Variants in DHDDS observed in about 807,000 individuals in gnomAD.
DHDDS encodes dehydrodolichyl diphosphate synthase complex subunit DHDDS.
DHDDS carries 16 observed loss-of-function variants against 46.2 expected under a neutral mutation model. That is an observed-to-expected ratio of 0.35 (90% CI 0.23 to 0.53). The LOEUF (loss-of-function observed/expected upper bound fraction) is 0.53, where lower values mean the gene tolerates loss of function less well. Ranked by LOEUF, DHDDS falls within the 20% of genes least tolerant of loss-of-function variation. The pLI is 0.94. For synonymous variants in DHDDS, 151 were observed against 163.1 expected, an observed-to-expected ratio of 0.93 and a Z score of 0.56; for missense variants, 340 against 423.7, an observed-to-expected ratio of 0.80 and a Z score of 1.73.
chr1:26,462,220 T>C (rs2075430900), intron 8 of DHDDS, among the ~76,000 whole-genome samples: 1 of 151,640 alleles, frequency 6.6e-6, no homozygotes, highest in Admixed American at 6.6e-5. Flanking sequence ...AAGTCCTCAC[T>C]ATGTTGCCCA....
At chr1:26,464,790 GCTGCTCTGTCTCTAGGCC>G (rs1177179499) in intron 8 of DHDDS, among the ~76,000 whole-genome samples, 1 of 152,182 alleles carries the variant, frequency 6.6e-6, no homozygotes, top group East Asian at 1.9e-4. Flanking sequence ...TAAAATCTGA[GCTGCTCTGTCTCTAGGCC>G]CTGCCCAATG....
intron 3 of DHDDS, among the ~76,000 whole-genome samples, chr1:26,442,007 C>T (rs999211815): frequency 9.2e-5 from 14 of 151,762 alleles, no homozygotes; most frequent in Admixed American, 2.6e-4. Context: ...CTCTAGGCAA[C>T]TACCGTTCTG....
At chr1:26,459,957 G>T (rs989133721) in intron 7 of DHDDS, 80 bp from the exon 8 acceptor site, 1 of 1,188,124 alleles carries the variant, frequency 8.4e-7, no homozygotes, top group East Asian at 2.3e-5. Flanking sequence ...TGCTTAGCCT[G>T]CTTTTTCCCT....
chr1:26,454,868 A>T, intron 6 of DHDDS: 2 of 1,591,112 alleles, frequency 1.3e-6, no homozygotes, highest in South Asian at 2.2e-5. Context: ...ATCTACATTT[A>T]AACCCTTAAG....
chr1:26,442,629 T>A, intron 3 of DHDDS, 102 bp from the exon 4 acceptor site: 1 of 1,399,196 alleles, frequency 7.1e-7, no homozygotes, highest in Non-Finnish European at 1.0e-6. Context: ...AGGAGAAAAG[T>A]CTGTCTCCTA....
At chr1:26,451,465 T>G (rs1411823139) in intron 6 of DHDDS, among the ~76,000 whole-genome samples, 1 of 151,202 alleles carries the variant, frequency 6.6e-6, no homozygotes, top group African/African-American at 2.4e-5. Context: ...TTTGTTTTTT[T>G]GTTTTTCTGA....
intron 8 of DHDDS, 67 bp from the exon 9 acceptor site, chr1:26,468,828 C>T (rs1570370524): frequency 2.5e-6 from 4 of 1,592,478 alleles, no homozygotes; most frequent in East Asian, 2.3e-5. Context: ...CCCCTACCTC[C>T]TCCATCCCAG....
Position 26,469,513 on chromosome 1 carries a change from A to C in DHDDS, c.*382A>C. ...CAAAACCCTAGCTCTTTACCCTTCC[A>C]TTTTAGCCTTCCACCCAGCTTCCAC... On this transcript the variant is annotated 3_prime_UTR_variant, in exon 9 of 9. Coordinates refer to ENST00000236342, the MANE Select transcript of DHDDS (RefSeq NM_205861.3). 3.3e-6 allele frequency: 1 copy of C among 298,876 alleles called. No homozygotes were observed. The highest frequency in any genetic ancestry group is 3.7e-5 in the South Asian group (1 of 27,088). The allele number at this position is 298,876 out of a possible 1,614,324, so 18.5% of individuals were successfully genotyped here.
In DHDDS at chr1:26,469,630, A is replaced by C; in HGVS notation, c.*499A>C. The stretch of plus-strand genomic sequence containing the variant: ...GAAAAAAGGGGTGGGAGAGACAGAA[A>C]ATTTGCCCATCTGCTGCTCCTCCCC... On this transcript the variant is annotated 3_prime_UTR_variant, in exon 9 of 9. Transcript: ENST00000236342. 9.0e-6 allele frequency: 2 copies of C among 221,244 alleles called. No individual in the cohort carries two copies. Among genetic ancestry groups the C allele is most frequent in the Non-Finnish European group, 1.9e-5 (2 of 107,708 alleles). 13.7% of individuals were successfully genotyped at this position (221,244 alleles called of 1,614,324 possible). A position where few individuals can be genotyped will look rare whatever the true frequency, so the allele number is the denominator to read the frequency against.
chr1:26,433,377 C>T (rs796829601), intron 2 of DHDDS, among the ~76,000 whole-genome samples: 18 of 152,138 alleles, frequency 1.2e-4, no homozygotes, highest in African/African-American at 4.1e-4. Context: ...GAGCTGGGCC[C>T]GGTCACTCAC....
At chr1:26,448,987 T>G (rs1462606284) in intron 6 of DHDDS, among the ~76,000 whole-genome samples, 1 of 152,240 alleles carries the variant, frequency 6.6e-6, no homozygotes, top group Non-Finnish European at 1.5e-5. Flanking sequence ...GGAGACAGTT[T>G]TTGAGGCTAT....
intron 6 of DHDDS, chr1:26,454,591 T>G (rs1019475776): frequency 2.1e-5 from 11 of 524,128 alleles, no homozygotes; most frequent in African/African-American, 8.1e-5. Context: ...ATGGGCCCTG[T>G]TTTTTTTTTT....
intron 6 of DHDDS, among the ~76,000 whole-genome samples, chr1:26,452,240 G>C (rs2075328820): frequency 6.6e-6 from 1 of 150,750 alleles, no homozygotes; most frequent in Non-Finnish European, 1.5e-5. Flanking sequence ...ACAGGGTCTT[G>C]CCATGTTGTC....
intron 2 of DHDDS, among the ~76,000 whole-genome samples, chr1:26,436,843 G>A (rs982710216): frequency 1.3e-5 from 2 of 152,084 alleles, no homozygotes; most frequent in African/African-American, 4.8e-5. Flanking sequence ...GAAGCAGATG[G>A]ACATCAGTTT....
chr1:26,469,064 G>C lies in DHDDS; in HGVS notation c.935G>C (p.Gly312Ala), dbSNP rs1200936743. 5 of 1,613,588 alleles carry C rather than the reference G, an allele frequency of 3.1e-6. No individual in the cohort carries two copies. The highest frequency in any genetic ancestry group is 4.5e-5 in the East Asian group (2 of 44,886). Residue 312 changes from glycine (G) to alanine (A), a missense_variant, in exon 9 of 9, where the codon GGC becomes GCC. This residue lies in a region of DHDDS where 268 missense variants were observed against 300.3 expected (regional missense o/e 0.89). Coordinates refer to ENST00000236342, the MANE Select transcript of DHDDS (RefSeq NM_205861.3). ...GCCAGACGGGAAGAGCGAGTCCAAGGCTTCCTGCAGGCCTTGGAACTCAAG... is the reference window on the plus strand; with the variant it reads ...GCCAGACGGGAAGAGCGAGTCCAAGCCTTCCTGCAGGCCTTGGAACTCAAG... ...LSARREERVQ[G>A]FLQALELKRA...
intron 4 of DHDDS, among the ~76,000 whole-genome samples, chr1:26,444,768 A>C (rs1391300842): frequency 6.6e-6 from 1 of 152,210 alleles, no homozygotes; most frequent in Non-Finnish European, 1.5e-5. Flanking sequence ...ATAATTAAAA[A>C]TAAGTAAATT....
intron 8 of DHDDS, among the ~76,000 whole-genome samples, chr1:26,461,988 A>G (rs2075427160): frequency 6.6e-6 from 1 of 152,186 alleles, no homozygotes; most frequent in South Asian, 2.1e-4. Context: ...TATCTTGTAC[A>G]TAATTCATTG....
At chr1:26,462,816 G>A (rs1170070656) in intron 8 of DHDDS, 1 of 152,232 alleles carries the variant, frequency 6.6e-6, no homozygotes, top group African/African-American at 2.4e-5. Context: ...TTAGGCACAG[G>A]AGAGTCAACA....
intron 8 of DHDDS, chr1:26,467,439 G>A (rs147293027): frequency 1.7e-4 from 75 of 442,720 alleles, no homozygotes; most frequent in African/African-American, 1.3e-3. Flanking sequence ...GAATGCCTGG[G>A]ATTATTCAGG....
Sources: gnomAD v4.1 joint callset for allele counts (sites outside exome capture counted in the v4.1 genomes callset) on GRCh38, gnomAD v4.1.1 for gene constraint, gnomAD v4.1.1 regional missense constraint, MANE v1.5 for transcripts, NCBI Gene and HGNC (gene_info 2026-07-23, HGNC 2026-07-21) for gene names.